SIN3B: variants seen among roughly 807,000 people sequenced by gnomAD.
SIN3B encodes paired amphipathic helix protein Sin3b.
A neutral mutation model predicts 120.2 loss-of-function variants in SIN3B; 19 were observed. The observed-to-expected ratio is 0.16, with a 90% CI of 0.11 to 0.23. SIN3B has a LOEUF of 0.23. SIN3B is among the 10% of genes least tolerant of loss of function. The pLI is 1.00. For missense variants in SIN3B, 1,073 were observed against 1,573.0 expected (o/e 0.68, Z 5.38); for synonymous variants, 654 against 653.2 (o/e 1.00, Z -0.02).
intron 8 of SIN3B, among the ~76,000 whole-genome samples, chr19:16,860,205 C>T (rs1444713332): frequency 6.6e-6 from 1 of 152,186 alleles, no homozygotes; most frequent in Non-Finnish European, 1.5e-5. Context: ...TAGGAGCGTT[C>T]ACCACCATGT....
Position 16,851,441 on chromosome 19 carries a change from C to G in SIN3B, c.756C>G (p.His252Gln), listed in dbSNP as rs1971543709. Residue 252 changes from histidine (H) to glutamine (Q), a missense_variant, in exon 6 of 19, where the codon CAC becomes CAG. By Grantham distance (24) the His-to-Gln change is conservative. This residue lies in a region of SIN3B where 395 missense variants were observed against 528.0 expected (regional missense o/e 0.75). Coordinates refer to ENST00000248054, the MANE Select transcript of SIN3B (RefSeq NM_001297595.2). The stretch of plus-strand genomic sequence containing the variant: ...CAGGAAACGGGCCGTGCGAGATGCA[C>G]AGCGTGCAGAAGAACGAGCACGACA... ...LFTGNGPCEM[H>Q]SVQKNEHDKT... is the part of the protein sequence containing the mutation. 1.1e-5 allele frequency: 18 copies of G among 1,607,706 alleles called. No homozygotes were observed. The highest frequency in any genetic ancestry group is 1.7e-5 in the Admixed American group (1 of 59,364).
chr19:16,875,838 TG>T (rs1336797851), intron 14 of SIN3B: 1 of 592,714 alleles, frequency 1.7e-6, no homozygotes, highest in East Asian at 2.9e-5. Flanking sequence ...TGGTTTGGTC[TG>T]GTCTGGTCTG....
At chr19:16,873,516 G>A (rs1461451632) in intron 14 of SIN3B, among the ~76,000 whole-genome samples, 2 of 133,204 alleles carry the variant, frequency 1.5e-5, no homozygotes, top group African/African-American at 3.2e-5. Context: ...CTGGCAGTCT[G>A]TCCCCTCCCC....
rs538308850 is a variant in SIN3B at position 16,851,270 on chromosome 19, G to A, written c.727-142G>A. On this transcript the variant is annotated intron_variant, in intron 5 of 18. Transcript: ENST00000248054. The stretch of plus-strand genomic sequence containing the variant: ...GAGCATCTTGCTGGAGTCACCTCAC[G>A]CATGGACGGAGCATCTGGCCTGGTG... 97 of 876,428 alleles carry A rather than the reference G, an allele frequency of 1.1e-4. No individual in the cohort carries two copies. The African/African-American group carries it at 1.5e-3, about 13-fold the overall frequency. 54.3% of individuals were successfully genotyped at this position (876,428 alleles called of 1,614,324 possible).
intron 3 of SIN3B, among the ~76,000 whole-genome samples, chr19:16,840,934 A>G (rs1242941656): frequency 1.3e-5 from 2 of 152,168 alleles, no homozygotes; most frequent in African/African-American, 4.8e-5. Flanking sequence ...TACTTTGGTG[A>G]AAGAGCGTTC....
In SIN3B at chr19:16,876,858, C is replaced by G. The variant is rs1234600257; in HGVS notation, c.2859+280C>G. The stretch of plus-strand genomic sequence containing the variant: ...AACCAAGCCACCTCTCCCTGGCCCC[C>G]GACTCCCACTCAGGGCATCCCGTGG... On this transcript the variant is annotated intron_variant, in intron 16 of 18. Coordinates refer to ENST00000248054, the MANE Select transcript of SIN3B (RefSeq NM_001297595.2). The surrounding 1 kb of genome is among the most constrained non-coding windows in gnomAD (Gnocchi z 7.1). The G allele has an allele frequency of 1.0e-5, 4 of 386,968 alleles. No homozygotes were observed. Among genetic ancestry groups the G allele is most frequent in the Non-Finnish European group, 1.9e-5 (4 of 212,330 alleles). The allele number at this position is 386,968 out of a possible 1,614,324, so 24.0% of individuals were successfully genotyped here.
At chr19:16,863,603 A>C in intron 9 of SIN3B, 77 bp from the exon 10 acceptor site, 1 of 902,056 alleles carries the variant, frequency 1.1e-6, no homozygotes. Context: ...GTATCTTGGT[A>C]CTTTCTACAC....
chr19:16,853,222 CTGGGCCTGCCCCAG>C (rs1352066046), intron 7 of SIN3B, 64 bp downstream of exon 7: 126 of 1,460,198 alleles, frequency 8.6e-5, no homozygotes, highest in Non-Finnish European at 1.2e-4. Context: ...CCAATGCTCC[CTGGGCCTGCCCCAG>C]GATTGGGGCG....
intron 17 of SIN3B, 90 bp downstream of exon 17, chr19:16,877,729 ACTGT>A (rs1391247983): frequency 7.6e-6 from 7 of 919,526 alleles, no homozygotes; most frequent in African/African-American, 6.5e-5. Flanking sequence ...ACCATGGCAC[ACTGT>A]CTGGGAGCAC....
At position 16,871,215 on chromosome 19, in the gene SIN3B, G is replaced by A; in HGVS notation, c.2423-14G>A. On this transcript the variant is annotated splice_polypyrimidine_tract_variant and intron_variant, in intron 13 of 18. Transcript: ENST00000248054. ...CTCCAGGAGGCATATGGATGAGGCG[G>A]TGTGTCTCCGCAGGTGAAGTGGAGC... The A allele has an allele frequency of 1.9e-6, 3 of 1,614,050 alleles. No individual in the cohort carries two copies. Among genetic ancestry groups the A allele is most frequent in the African/African-American group, 2.7e-5 (2 of 75,084 alleles).
chr19:16,838,049 A>G (rs1195697725), intron 3 of SIN3B, among the ~76,000 whole-genome samples: 1 of 152,022 alleles, frequency 6.6e-6, no homozygotes, highest in Non-Finnish European at 1.5e-5. Context: ...ACGGGGAGAG[A>G]GGAGGTGCCG....
At chr19:16,874,913 G>A (rs1055627359) in intron 14 of SIN3B, among the ~76,000 whole-genome samples, 2 of 150,598 alleles carry the variant, frequency 1.3e-5, no homozygotes, top group African/African-American at 4.9e-5. Flanking sequence ...GTCTAATCTG[G>A]TCTAGTTTGG....
At position 16,877,547 on chromosome 19, in the gene SIN3B, C is replaced by T. The variant is rs2051625252; in HGVS notation, c.2862C>T (p.His954=). 6.2e-7 allele frequency: 1 copy of T among 1,606,268 alleles called. No homozygotes were observed. Among genetic ancestry groups the T allele is most frequent in the African/African-American group, 1.3e-5 (1 of 75,010 alleles). The change falls in exon 17 of 19, where the codon CAC becomes CAT. Residue 954 remains histidine, a splice_region_variant and synonymous_variant. Transcript: ENST00000248054. The part of the protein sequence containing the change: ...AQTEDPVEVQ[H]LARYVEQYVG... ...GCTGTGTCTCTCCCTGTCCCCAGCA[C>T]CTGGCTCGGTACGTGGAGCAGTATG...
chr19:16,829,411 G>T lies in SIN3B; in HGVS notation c.-10G>T. ...CGGGGGCGGGGCGGGGCGCAGCTCC[G>T]ACTTCGGACATGGCGCACGCTGGCG... On this transcript the variant is annotated 5_prime_UTR_variant, in exon 1 of 19. Coordinates refer to ENST00000248054, the MANE Select transcript of SIN3B (RefSeq NM_001297595.2). 3 of 1,202,230 alleles carry T rather than the reference G, an allele frequency of 2.5e-6. No individual in the cohort carries two copies. The highest frequency in any genetic ancestry group is 8.3e-5 in the South Asian group (2 of 23,978). 74.5% of individuals were successfully genotyped at this position (1,202,230 alleles called of 1,614,324 possible). A position where few individuals can be genotyped will look rare whatever the true frequency, so the allele number is the denominator to read the frequency against.
rs1156392073 is a variant in SIN3B at position 16,862,060 on chromosome 19, T to G, written c.1059-292T>G. Among the ~76,000 whole-genome samples, 17 of 152,182 alleles carry G rather than the reference T, an allele frequency of 1.1e-4. No homozygotes were observed. Among genetic ancestry groups the G allele is most frequent in the Admixed American group, 1.1e-3 (17 of 15,280 alleles). On this transcript the variant is annotated intron_variant, in intron 8 of 18. Coordinates refer to ENST00000248054, the MANE Select transcript of SIN3B (RefSeq NM_001297595.2). This position sits in a 1 kb window ranked among gnomAD's most constrained non-coding sequence, Gnocchi z 4.7. Reference sequence around the variant, plus strand: ...CATCAGGGGTTCCAGCTTCTGCCAGTTTAAGTCATCTTTTCTGGTGTATTT... The same window carrying G: ...CATCAGGGGTTCCAGCTTCTGCCAGGTTAAGTCATCTTTTCTGGTGTATTT...
Position 16,851,527 on chromosome 19 carries a change from C to T in SIN3B, c.842C>T (p.Pro281Leu). The T allele has an allele frequency of 1.9e-6, 3 of 1,598,274 alleles. No homozygotes were observed. The highest frequency in any genetic ancestry group is 2.6e-6 in the Non-Finnish European group (3 of 1,172,668). The change falls in exon 6 of 19, where the codon CCC becomes CTC. Residue 281 changes from proline (P) to leucine (L), a missense_variant. This residue lies in a region of SIN3B where 395 missense variants were observed against 528.0 expected (regional missense o/e 0.75). Coordinates refer to ENST00000248054, the MANE Select transcript of SIN3B (RefSeq NM_001297595.2). ...RPSLLRPVSA[P>L]AKKKMKLRGT... The stretch of plus-strand genomic sequence containing the variant: ...TCGCTCCTCCGCCCCGTGTCTGCAC[C>T]CGCCAAGGTACCTGTGAGCCACATG...
At position 16,869,996 on chromosome 19, in the gene SIN3B, G is replaced by A. The variant is rs749102366; in HGVS notation, c.2343G>A (p.Lys781=). Residue 781 remains lysine, a synonymous_variant, in exon 13 of 19, where the codon AAG becomes AAA. Transcript: ENST00000248054. ...QKQLLEYRTE[K]EREKLLCEGR... is the part of the protein sequence containing the mutation. The stretch of plus-strand genomic sequence containing the variant: ...AGCTTCTGGAGTATCGGACCGAGAA[G>A]GAGCGGGAGAAGCTGCTGTGTGAGG... 1 of 1,613,924 alleles carries A rather than the reference G, an allele frequency of 6.2e-7. No individual in the cohort carries two copies. The highest frequency in any genetic ancestry group is 8.5e-7 in the Non-Finnish European group (1 of 1,179,994).
At chr19:16,865,679 C>G (rs980941741) in intron 11 of SIN3B, 31 bp downstream of exon 11, 1 of 1,432,726 alleles carries the variant, frequency 7.0e-7, no homozygotes, top group Admixed American at 1.9e-5. Flanking sequence ...TTCCCTTCCC[C>G]TTCCCCTTCC....
chr19:16,835,751 C>T lies in SIN3B; in HGVS notation c.381+4104C>T, dbSNP rs540651320. ...GCCAGGCTGGTCTCGAACCCCTGAC[C>T]TCAAGTGATCCCCCACCTCAGCCTC... On this transcript the variant is annotated intron_variant, in intron 3 of 18. Transcript: ENST00000248054. Among the ~76,000 whole-genome samples, 9 of 152,264 alleles carry T rather than the reference C, an allele frequency of 5.9e-5. No individual in the cohort carries two copies. In the East Asian group the frequency reaches 1.7e-3, roughly 29 times the overall value.
Sources: allele counts gnomAD v4.1 joint callset (sites outside exome capture counted in the v4.1 genomes callset), GRCh38; gene constraint gnomAD v4.1.1; regional missense constraint gnomAD v4.1.1; non-coding constraint Gnocchi (gnomAD v3.1); transcripts MANE v1.5; gene names NCBI Gene and HGNC (gene_info 2026-07-23, HGNC 2026-07-21).